Variants in MACROD2 observed in about 807,000 individuals in gnomAD.
MACROD2 encodes mono-ADP ribosylhydrolase 2.
MACROD2 carries 36 observed loss-of-function variants against 70.4 expected under a neutral mutation model. The observed-to-expected ratio is 0.51, with a 90% confidence interval of 0.39 to 0.68. The LOEUF is 0.68. MACROD2 is among the 30% of genes least tolerant of loss of function. MACROD2 has a pLI of 0.00. For synonymous variants in MACROD2, 172 were observed against 178.8 expected (o/e 0.96, Z 0.30); for missense variants, 496 against 538.4 (o/e 0.92, Z 0.78).
chr20:15,703,136 TTAATCCAAGATTGA>T (rs2050484303), intron 8 of MACROD2, among the ~76,000 whole-genome samples: 2 of 152,172 alleles, frequency 1.3e-5, no homozygotes, highest in Non-Finnish European at 2.9e-5. Flanking sequence ...AATACAAAAA[TTAATCCAAGATTGA>T]TTAAAGATTT....
intron 5 of MACROD2, among the ~76,000 whole-genome samples, chr20:14,793,581 G>A (rs571145571): frequency 2.2e-4 from 34 of 152,066 alleles, no homozygotes; most frequent in African/African-American, 8.0e-4. Flanking sequence ...CGATTATACC[G>A]GGGTTGGAAA....
At chr20:16,049,288 T>G (rs2067425864) in intron 17 of MACROD2, among the ~76,000 whole-genome samples, 1 of 152,088 alleles carries the variant, frequency 6.6e-6, no homozygotes, top group African/African-American at 2.4e-5. Flanking sequence ...TGTAGGCAGA[T>G]TATACCTCAA....
At chr20:14,136,486 A>G (rs996984177) in intron 3 of MACROD2, among the ~76,000 whole-genome samples, 5 of 152,166 alleles carry the variant, frequency 3.3e-5, no homozygotes, top group African/African-American at 1.2e-4. Context: ...TCTTACCTAT[A>G]AAATGGAGAT....
intron 4 of MACROD2, among the ~76,000 whole-genome samples, chr20:14,613,314 A>G (rs1424747811): frequency 6.6e-6 from 1 of 152,122 alleles, no homozygotes; most frequent in East Asian, 1.9e-4. Flanking sequence ...TTATGCTTAA[A>G]CAAGATTTAT....
rs759267386 is a variant in MACROD2 at position 15,970,960 on chromosome 20, A to G, written c.985+3330A>G. Among the ~76,000 whole-genome samples the G allele has an allele frequency of 2.6e-5, 4 of 152,208 alleles. No homozygotes were observed. The South Asian group carries it at 8.3e-4, about 32-fold the overall frequency. On this transcript the variant is annotated intron_variant, in intron 13 of 17. Transcript: ENST00000684519. ...CTTAAAAGTGAGACTTGAAAGGATC[A>G]GAATATTTCTGAGTAACTTAACTGC...
At chr20:14,939,970 G>T (rs941086846) in intron 5 of MACROD2, among the ~76,000 whole-genome samples, 1 of 151,662 alleles carries the variant, frequency 6.6e-6, no homozygotes, top group African/African-American at 2.4e-5. Flanking sequence ...CAACTTTACG[G>T]AATTTGTTTA....
At chr20:14,908,614 G>A (rs1298837987) in intron 5 of MACROD2, among the ~76,000 whole-genome samples, 1 of 151,818 alleles carries the variant, frequency 6.6e-6, no homozygotes, top group South Asian at 2.1e-4. Flanking sequence ...AGTGAGCTGA[G>A]ACCATGCCAC....
chr20:15,509,271 T>A (rs2146508762), intron 8 of MACROD2, among the ~76,000 whole-genome samples: 1 of 152,332 alleles, frequency 6.6e-6, no homozygotes, highest in South Asian at 2.1e-4. Flanking sequence ...ACTAATGAAT[T>A]AATTTTCTGA....
chr20:14,144,191 A>AT (rs753353419), intron 3 of MACROD2, among the ~76,000 whole-genome samples: 2 of 152,092 alleles, frequency 1.3e-5, no homozygotes, highest in Non-Finnish European at 1.5e-5. Flanking sequence ...ATAAAGACAT[A>AT]TTTTTTTCTA....
intron 6 of MACROD2, among the ~76,000 whole-genome samples, chr20:15,303,864 T>C (rs1165936838): frequency 6.6e-6 from 1 of 152,190 alleles, no homozygotes; most frequent in African/African-American, 2.4e-5. Flanking sequence ...CTCTTCCTTC[T>C]CCATCTGTTG....
At chr20:14,882,816 C>T (rs531158711) in intron 5 of MACROD2, among the ~76,000 whole-genome samples, 1 of 152,068 alleles carries the variant, frequency 6.6e-6, no homozygotes, top group South Asian at 2.1e-4. Context: ...TAGATCGCTC[C>T]CTGAAGATAA....
intron 4 of MACROD2, among the ~76,000 whole-genome samples, chr20:14,512,626 G>A (rs2085043491): frequency 6.6e-6 from 1 of 152,098 alleles, no homozygotes; most frequent in Non-Finnish European, 1.5e-5. Flanking sequence ...GCAGTGTGCA[G>A]ATTCCAGTCA....
chr20:15,770,773 C>T (rs2051611176), intron 8 of MACROD2, among the ~76,000 whole-genome samples: 1 of 152,114 alleles, frequency 6.6e-6, no homozygotes, highest in Non-Finnish European at 1.5e-5. Flanking sequence ...CTCAAATCCA[C>T]TCCCTGTGTC....
At chr20:15,736,149 G>C (rs953938908) in intron 8 of MACROD2, among the ~76,000 whole-genome samples, 2 of 152,132 alleles carry the variant, frequency 1.3e-5, no homozygotes, top group Admixed American at 6.5e-5. Flanking sequence ...TAAATAACAT[G>C]AATAGCATTG....
chr20:14,006,326 C>T (rs2052819749), intron 2 of MACROD2, among the ~76,000 whole-genome samples: 1 of 152,206 alleles, frequency 6.6e-6, no homozygotes, highest in South Asian at 2.1e-4. Context: ...CCAGTTTCAA[C>T]AGTTATTACA....
At chr20:14,779,119 T>A (rs2072268284) in intron 5 of MACROD2, among the ~76,000 whole-genome samples, 1 of 152,062 alleles carries the variant, frequency 6.6e-6, no homozygotes, top group East Asian at 1.9e-4. Flanking sequence ...GAGAAAAAAA[T>A]GGTCAGATTT....
chr20:15,930,960 A>G (rs1362247370), intron 10 of MACROD2, among the ~76,000 whole-genome samples: 1 of 152,022 alleles, frequency 6.6e-6, no homozygotes, highest in Non-Finnish European at 1.5e-5. Flanking sequence ...CCCTACCCCT[A>G]CTCTGTAGAA....
intron 13 of MACROD2, among the ~76,000 whole-genome samples, chr20:15,973,647 G>A (rs553074655): frequency 2.0e-5 from 3 of 152,228 alleles, no homozygotes; most frequent in South Asian, 2.1e-4. Context: ...AACAGTAAGT[G>A]TAATTAGGTT....
chr20:15,697,551 G>A (rs2050393756), intron 8 of MACROD2, among the ~76,000 whole-genome samples: 1 of 152,112 alleles, frequency 6.6e-6, no homozygotes, highest in Non-Finnish European at 1.5e-5. Context: ...GAAATGTTCT[G>A]TATATATCTG....
Sources: allele counts gnomAD v4.1 joint callset (sites outside exome capture counted in the v4.1 genomes callset), GRCh38; gene constraint gnomAD v4.1.1; transcripts MANE v1.5; gene names NCBI Gene and HGNC (gene_info 2026-07-23, HGNC 2026-07-21).